Variants in CD244 observed in about 807,000 individuals in gnomAD.
CD244 encodes natural killer cell receptor 2B4.
CD244 carries 20 observed loss-of-function variants against 45.5 expected under a neutral mutation model. The ratio of observed to expected loss-of-function variants is 0.44; its 90% CI spans 0.31 to 0.64. CD244 has a LOEUF of 0.64. Ranked by LOEUF, CD244 falls within the 30% of genes least tolerant of loss-of-function variation. CD244 has a pLI of 0.08. For synonymous variants in CD244, 185 were observed against 160.5 expected (o/e 1.15, Z -1.15); for missense variants, 407 against 426.9 (o/e 0.95, Z 0.41).
At chr1:160,846,509 T>TCAGCTA (rs1232394098) in intron 1 of CD244, among the ~76,000 whole-genome samples, 1 of 151,978 alleles carries the variant, frequency 6.6e-6, no homozygotes, top group Non-Finnish European at 1.5e-5. Flanking sequence ...CGACTAAAAA[T>TCAGCTA]ACAAAAGTTA....
chr1:160,835,104 T>G (rs565720743), intron 6 of CD244, among the ~76,000 whole-genome samples: 23 of 152,322 alleles, frequency 1.5e-4, no homozygotes, highest in African/African-American at 4.1e-4. Flanking sequence ...TTTTTTCTTT[T>G]TTTTAAAGCC....
chr1:160,856,744 C>T (rs1670121006), intron 1 of CD244, among the ~76,000 whole-genome samples: 1 of 151,896 alleles, frequency 6.6e-6, no homozygotes, highest in African/African-American at 2.4e-5. Flanking sequence ...GTTCTTGGAG[C>T]ATAATAAGGG....
At chr1:160,855,663 AAG>A (rs2101893046) in intron 1 of CD244, among the ~76,000 whole-genome samples, 1 of 152,320 alleles carries the variant, frequency 6.6e-6, no homozygotes, top group East Asian at 1.9e-4. Context: ...GTTTAGAGGA[AAG>A]AGGCCACAGT....
chr1:160,836,138 G>A, intron 6 of CD244, 57 bp downstream of exon 6: 1 of 1,269,172 alleles, frequency 7.9e-7, no homozygotes, highest in Non-Finnish European at 1.2e-6. Context: ...GTTTCAGGGG[G>A]GCATTAGGAA....
chr1:160,846,891 A>G (rs77442512), intron 1 of CD244, among the ~76,000 whole-genome samples: 2,580 of 152,262 alleles, frequency 0.017, 83 homozygotes, highest in African/African-American at 0.059. Context: ...GGAGTTTTCT[A>G]TAGTATTGAG....
intron 5 of CD244, among the ~76,000 whole-genome samples, chr1:160,837,634 C>G (rs1465650407): frequency 6.6e-6 from 1 of 152,228 alleles, no homozygotes; most frequent in African/African-American, 2.4e-5. Flanking sequence ...AGAGCCCCAC[C>G]ACATGTGCTT....
At chr1:160,839,128 G>T in intron 3 of CD244, 79 bp from the exon 4 acceptor site, 1 of 998,750 alleles carries the variant, frequency 1.0e-6, no homozygotes, top group Non-Finnish European at 1.5e-6. Flanking sequence ...TGCAGGGGCT[G>T]CCTCAAAACC....
At chr1:160,849,576 T>C (rs1669850985) in intron 1 of CD244, among the ~76,000 whole-genome samples, 1 of 152,184 alleles carries the variant, frequency 6.6e-6, no homozygotes, top group African/African-American at 2.4e-5. Flanking sequence ...CTGTGTTAGT[T>C]TGCTGAGAAC....
chr1:160,843,278 CA>C (rs1462317661), intron 1 of CD244, among the ~76,000 whole-genome samples: 1 of 152,160 alleles, frequency 6.6e-6, no homozygotes, highest in African/African-American at 2.4e-5. Context: ...ATTAGCAAAC[CA>C]AAAGCTTCTC....
At chr1:160,854,586 G>T (rs540744504) in intron 1 of CD244, among the ~76,000 whole-genome samples, 29 of 151,316 alleles carry the variant, frequency 1.9e-4, no homozygotes, top group Non-Finnish European at 3.8e-4. Flanking sequence ...TAGAGACAGG[G>T]TTTCGCCATA....
At chr1:160,834,860 C>G (rs1450744058) in intron 6 of CD244, among the ~76,000 whole-genome samples, 1 of 152,224 alleles carries the variant, frequency 6.6e-6, no homozygotes, top group Admixed American at 6.5e-5. Context: ...GGACTGGAAC[C>G]AGGTGTCCTC....
chr1:160,832,229 A>T lies in CD244; in HGVS notation c.1017+290T>A, dbSNP rs189489802. Among the ~76,000 whole-genome samples, 526 of 152,272 alleles carry T rather than the reference A, an allele frequency of 3.5e-3. 4 individuals are homozygous for T. Among genetic ancestry groups the T allele is most frequent in the African/African-American group, 0.012 (489 of 41,558 alleles). On this transcript the variant is annotated intron_variant, in intron 8 of 8. Transcript: ENST00000368034. ...ACACTCTTGGAAAGGAGAGATGTCC[A>T]GTTTGTGGCCCACAGCCTGGGAACT...
chr1:160,860,851 A>T (rs879055707), intron 1 of CD244, among the ~76,000 whole-genome samples: 3 of 152,226 alleles, frequency 2.0e-5, no homozygotes, highest in Non-Finnish European at 4.4e-5. Flanking sequence ...GCTTCAGTCA[A>T]CTTATGCCAG....
Position 160,831,248 on chromosome 1 carries a change from AC to A in CD244, c.*98del. On this transcript the variant is annotated 3_prime_UTR_variant, in exon 9 of 9. Transcript: ENST00000368034. ...GAACAAATTTCCATATCCTCTCCAGACTAGGAACTGTTCTATAGAGACTCCT... is the reference window on the plus strand; with the variant it reads ...GAACAAATTTCCATATCCTCTCCAGATAGGAACTGTTCTATAGAGACTCCT... 1.2e-6 allele frequency: 1 copy of A among 821,910 alleles called. No homozygotes were observed. The highest frequency in any genetic ancestry group is 2.1e-5 in the Admixed American group (1 of 46,526). 50.9% of individuals were successfully genotyped at this position (821,910 alleles called of 1,614,324 possible).
intron 1 of CD244, 24 bp from the exon 2 acceptor site, chr1:160,841,925 A>C (rs1292036473): frequency 6.2e-6 from 10 of 1,604,542 alleles, no homozygotes; most frequent in Non-Finnish European, 8.5e-6. Context: ...CCCAAGCTGA[A>C]AGTAGCGGGA....
chr1:160,848,348 A>C, intron 1 of CD244: 1 of 588,642 alleles, frequency 1.7e-6, no homozygotes, highest in Non-Finnish European at 3.3e-6. Flanking sequence ...CCAGTTTTTC[A>C]TCTACATTGC....
At chr1:160,858,260 G>A (rs1670180187) in intron 1 of CD244, among the ~76,000 whole-genome samples, 2 of 151,920 alleles carry the variant, frequency 1.3e-5, no homozygotes, top group South Asian at 4.1e-4. Flanking sequence ...GAGCAAAAAC[G>A]ACTCCAGCCC....
chr1:160,848,024 A>G (rs1052267135), intron 1 of CD244: 7 of 300,860 alleles, frequency 2.3e-5, no homozygotes, highest in African/African-American at 1.5e-4. Flanking sequence ...CAACCCCACC[A>G]TGTTCATTAA....
In CD244 at chr1:160,830,180, A is replaced by C. The variant is rs919791601; in HGVS notation, c.*1167T>G. ...GGGTATGGAGAGGATACATAAATTT[A>C]ATTCAGGCAAGGAATTCAGACTGCA... On this transcript the variant is annotated 3_prime_UTR_variant, in exon 9 of 9. Coordinates refer to ENST00000368034, the MANE Select transcript of CD244 (RefSeq NM_016382.4). 4 of 152,352 alleles carry C rather than the reference A, an allele frequency of 2.6e-5. No homozygotes were observed. Among genetic ancestry groups the C allele is most frequent in the African/African-American group, 9.6e-5 (4 of 41,454 alleles). 9.4% of individuals were successfully genotyped at this position (152,352 alleles called of 1,614,324 possible). A position where few individuals can be genotyped will look rare whatever the true frequency, so the allele number is the denominator to read the frequency against.
Sources: allele counts gnomAD v4.1 joint callset (sites outside exome capture counted in the v4.1 genomes callset), GRCh38; gene constraint gnomAD v4.1.1; transcripts MANE v1.5; gene names NCBI Gene and HGNC (gene_info 2026-07-23, HGNC 2026-07-21).